NUP205: variants seen among roughly 807,000 people sequenced by gnomAD.
The protein encoded by NUP205 is nucleoporin 205, also known as nuclear pore complex protein Nup205.
In NUP205, 76 loss-of-function variants were observed where a neutral mutation model predicts 253.8. That is an observed-to-expected ratio of 0.30 (90% CI 0.25 to 0.36). NUP205 has a LOEUF of 0.36. NUP205 is among the 10% of genes least tolerant of loss of function. NUP205 has a pLI of 1.00. For missense variants in NUP205, 2,162 were observed against 2,425.5 expected, an observed-to-expected ratio of 0.89 and a Z score of 2.28; for synonymous variants, 832 against 850.1, an observed-to-expected ratio of 0.98 and a Z score of 0.37.
At chr7:135,559,528 G>T (rs1234061486) in intron 1 of NUP205, among the ~76,000 whole-genome samples, 3 of 151,464 alleles carry the variant, frequency 2.0e-5, no homozygotes, top group African/African-American at 7.3e-5. Flanking sequence ...GTGCCACCAC[G>T]CTGGGCTAAT....
intron 42 of NUP205, among the ~76,000 whole-genome samples, chr7:135,647,086 T>G (rs1266428386): frequency 6.6e-6 from 1 of 152,220 alleles, no homozygotes; most frequent in African/African-American, 2.4e-5. Context: ...TCAGTAGTGT[T>G]AGAATGAATG....
intron 31 of NUP205, among the ~76,000 whole-genome samples, chr7:135,624,601 A>G (rs926050054): frequency 6.7e-6 from 1 of 149,674 alleles, no homozygotes; most frequent in Non-Finnish European, 1.5e-5. Context: ...TTGGTCTTGA[A>G]CTCCTGACCT....
At chr7:135,597,167 C>A in intron 13 of NUP205, 2 of 483,938 alleles carry the variant, frequency 4.1e-6, no homozygotes, top group Non-Finnish European at 7.4e-6. Flanking sequence ...TTTTCAGAAC[C>A]CCAGACAGTC....
intron 15 of NUP205, among the ~76,000 whole-genome samples, chr7:135,598,520 C>A (rs1028528085): frequency 6.6e-6 from 1 of 152,168 alleles, no homozygotes. Flanking sequence ...ACTACTACTG[C>A]TTATTGGAAT....
intron 8 of NUP205, among the ~76,000 whole-genome samples, chr7:135,585,783 C>G (rs1489736326): frequency 1.3e-5 from 2 of 152,182 alleles, no homozygotes; most frequent in Non-Finnish European, 2.9e-5. Flanking sequence ...AACAGGTGAT[C>G]TGCCCACCTC....
intron 8 of NUP205, among the ~76,000 whole-genome samples, chr7:135,586,995 T>C (rs545457648): frequency 4.6e-5 from 7 of 152,314 alleles, no homozygotes; most frequent in African/African-American, 1.7e-4. Flanking sequence ...ACTTGTTCCA[T>C]TGAATATTGA....
At chr7:135,602,586 C>T (rs1015381732) in intron 17 of NUP205, among the ~76,000 whole-genome samples, 10 of 152,122 alleles carry the variant, frequency 6.6e-5, no homozygotes, top group Admixed American at 3.3e-4. Context: ...TGCAAAATAA[C>T]GATGACTTGC....
At position 135,580,221 on chromosome 7, in the gene NUP205, G is replaced by A. The variant is rs141149484; in HGVS notation, c.1042+1306G>A. Among the ~76,000 whole-genome samples, 32 of 152,246 alleles carry A rather than the reference G, an allele frequency of 2.1e-4. No individual in the cohort carries two copies. In the East Asian group the frequency reaches 5.8e-3, roughly 28 times the overall value. On this transcript the variant is annotated intron_variant, in intron 7 of 42. Transcript: ENST00000285968. ...TCCAGAACATTTTGTTTTCACTAGTGTCATGCTGTTCCCAAGGTGTTTGCA... is the reference window on the plus strand; with the variant it reads ...TCCAGAACATTTTGTTTTCACTAGTATCATGCTGTTCCCAAGGTGTTTGCA...
Position 135,638,643 on chromosome 7 carries a change from T to C in NUP205, c.5352T>C (p.Pro1784=). 6.2e-7 allele frequency: 1 copy of C among 1,614,142 alleles called. No individual in the cohort carries two copies. The highest frequency in any genetic ancestry group is 8.5e-7 in the Non-Finnish European group (1 of 1,179,996). Residue 1784 remains proline, a synonymous_variant, in exon 38 of 43, where the codon CCT becomes CCC. Transcript: ENST00000285968. ...TFQHAVCLFT[P]SLSETVNRDG... ...AGCATGCTGTGTGTCTCTTCACTCC[T>C]AGCCTTTCAGAAACAGTTAATAGAG...
At chr7:135,648,079 ACTT>A (rs996724618) in intron 42 of NUP205, among the ~76,000 whole-genome samples, 35 of 150,878 alleles carry the variant, frequency 2.3e-4, no homozygotes, top group Middle Eastern at 6.8e-3. Flanking sequence ...AGTCTTACTG[ACTT>A]CTTGTATGGC....
At chr7:135,587,426 G>A in intron 8 of NUP205, 149 bp from the exon 9 acceptor site, 1 of 410,550 alleles carries the variant, frequency 2.4e-6, no homozygotes, top group Non-Finnish European at 4.4e-6. Flanking sequence ...TAAGATTCCT[G>A]GCATGTTTCT....
chr7:135,591,692 A>G (rs1806632945), intron 11 of NUP205, 92 bp downstream of exon 11: 2 of 1,104,486 alleles, frequency 1.8e-6, no homozygotes, highest in African/African-American at 3.2e-5. Flanking sequence ...TGTTTGAACT[A>G]GGTTCTACCA....
At chr7:135,576,135 AGTAGAGGACCCCAG>A (rs756769492) in intron 3 of NUP205, 121 bp from the exon 4 acceptor site, 23 of 597,388 alleles carry the variant, frequency 3.9e-5, no homozygotes, top group Non-Finnish European at 6.1e-5. Context: ...GGATGTTTGT[AGTAGAGGACCCCAG>A]GGCCCCTTAA....
chr7:135,593,680 T>C (rs558889671), intron 12 of NUP205, among the ~76,000 whole-genome samples: 15 of 152,344 alleles, frequency 9.8e-5, no homozygotes, highest in Non-Finnish European at 2.1e-4. Flanking sequence ...CTTTTAGTTA[T>C]GTCTGTTGTT....
At chr7:135,594,807 T>G (rs1470511813) in intron 13 of NUP205, 78 bp downstream of exon 13, 4 of 1,118,108 alleles carry the variant, frequency 3.6e-6, no homozygotes, top group Non-Finnish European at 5.1e-6. Flanking sequence ...AGCAAGAACA[T>G]GCAATTGGAA....
At chr7:135,580,808 GTT>G (rs748510840) in intron 7 of NUP205, among the ~76,000 whole-genome samples, 9 of 151,872 alleles carry the variant, frequency 5.9e-5, no homozygotes, top group Non-Finnish European at 1.0e-4. Context: ...TACATAGATA[GTT>G]ATTATAATAT....
chr7:135,591,522 A>G lies in NUP205; in HGVS notation c.1546A>G (p.Met516Val). 6.2e-7 allele frequency: 1 copy of G among 1,614,062 alleles called. No individual in the cohort carries two copies. The highest frequency in any genetic ancestry group is 1.1e-5 in the South Asian group (1 of 91,086). Reference protein sequence around the residue: ...PPTIYIPYLKMLQGLANGPQC... With the variant: ...PPTIYIPYLKVLQGLANGPQC... ...AACTATTTATATTCCTTATTTGAAG[A>G]TGCTCCAGGGATTGGCCAATGGGCC... is the stretch of plus-strand genomic sequence containing the variant. Residue 516 changes from methionine (M) to valine (V), a missense_variant, in exon 11 of 43, where the codon ATG (methionine) becomes GTG (valine). Physicochemically the swap from Met to Val is conservative, Grantham distance 21 (BLOSUM62 1). Transcript: ENST00000285968.
rs1794404994 is a variant in NUP205 at position 135,618,489 on chromosome 7, G to T, written c.3849G>T (p.Leu1283=). ...GTCTTCATGCAAAACGTCATGCTCT[G>T]GAGTCGTGGAGGCAACTAGTAGAAA... ...LQCLHAKRHA[L]ESWRQLVEII... is the part of the protein sequence containing the mutation. The change falls in exon 28 of 43, where the codon CTG becomes CTT. Residue 1283 remains leucine, a synonymous_variant. Transcript: ENST00000285968. 1 of 1,613,974 alleles carries T rather than the reference G, an allele frequency of 6.2e-7. No homozygotes were observed. The highest frequency in any genetic ancestry group is 8.5e-7 in the Non-Finnish European group (1 of 1,180,002).
chr7:135,622,742 T>C, intron 30 of NUP205, 35 bp from the exon 31 acceptor site: 2 of 1,606,312 alleles, frequency 1.2e-6, no homozygotes, highest in Non-Finnish European at 1.7e-6. Context: ...CACTGCTTTT[T>C]ACTGGAGTGT....
Sources: allele counts gnomAD v4.1 joint callset (sites outside exome capture counted in the v4.1 genomes callset), GRCh38; gene constraint gnomAD v4.1.1; transcripts MANE v1.5; gene names NCBI Gene and HGNC (gene_info 2026-07-23, HGNC 2026-07-21).